SERPINB8: variants seen among roughly 807,000 people sequenced by gnomAD.
The protein encoded by SERPINB8 is serpin B8.
In SERPINB8, 25 loss-of-function variants were observed where a neutral mutation model predicts 35.3. The ratio of observed to expected loss-of-function variants is 0.71; its 90% CI spans 0.52 to 0.99. SERPINB8 has a LOEUF of 0.99. Among genes scored for constraint, SERPINB8 ranks in the 50% least tolerant of loss-of-function variants. The probability of loss-of-function intolerance (pLI) is 0.00; values close to 1 mark genes in which losing one functional copy is unlikely to be tolerated. For missense variants in SERPINB8, 484 were observed against 446.5 expected (o/e 1.08, Z -0.76); for synonymous variants, 186 against 160.8 (o/e 1.16, Z -1.19).
chr18:63,982,283 G>A (rs2050684448), intron 4 of SERPINB8, among the ~76,000 whole-genome samples: 1 of 152,098 alleles, frequency 6.6e-6, no homozygotes, highest in Admixed American at 6.5e-5. Context: ...CTTGGCCATG[G>A]CTACATTTGC....
In SERPINB8 at chr18:63,985,190, A is replaced by T; in HGVS notation, c.665A>T (p.Glu222Val). Residue 222 changes from glutamate (E) to valine (V), a missense_variant, in exon 6 of 7, where the codon GAA (glutamate) becomes GTA (valine). Physicochemically the swap from Glu to Val is moderately radical, Grantham distance 121. Coordinates refer to ENST00000397985, the MANE Select transcript of SERPINB8 (RefSeq NM_002640.4). Reference sequence around the variant, plus strand: ...CAGGTCCTGGAGCTGCCCTATGTGGAAGAGGAGCTGAGCATGGTCATTCTG... The same window carrying T: ...CAGGTCCTGGAGCTGCCCTATGTGGTAGAGGAGCTGAGCATGGTCATTCTG... ...HTQVLELPYV[E>V]EELSMVILLP... 6.2e-7 allele frequency: 1 copy of T among 1,614,208 alleles called. No homozygotes were observed. The highest frequency in any genetic ancestry group is 8.5e-7 in the Non-Finnish European group (1 of 1,180,040).
At chr18:63,979,495 C>T (rs544938322) in intron 2 of SERPINB8, among the ~76,000 whole-genome samples, 35 of 152,136 alleles carry the variant, frequency 2.3e-4, no homozygotes, top group African/African-American at 7.7e-4. Flanking sequence ...TTTTTCCTTC[C>T]TGGGGACCCT....
chr18:64,015,583 C>T (rs1369275958), intron 7 of SERPINB8, among the ~76,000 whole-genome samples: 1 of 152,218 alleles, frequency 6.6e-6, no homozygotes, highest in Non-Finnish European at 1.5e-5. Context: ...AGAAATCTAA[C>T]TTCACTCTGG....
At chr18:64,004,791 CA>C in intron 1 of SERPINB8, 1 of 398,486 alleles carries the variant, frequency 2.5e-6, no homozygotes, top group Non-Finnish European at 4.4e-6. Context: ...AAGAATGTAA[CA>C]AACTCTCATC....
chr18:64,017,021 A>C, intron 7 of SERPINB8, among the ~76,000 whole-genome samples: 1 of 152,162 alleles, frequency 6.6e-6, no homozygotes, highest in Non-Finnish European at 1.5e-5. Context: ...CTGTCTGTTC[A>C]CAGCTCCACA....
chr18:63,999,849 C>T (rs961276120), intron 1 of SERPINB8, among the ~76,000 whole-genome samples: 4 of 152,082 alleles, frequency 2.6e-5, no homozygotes, highest in African/African-American at 4.8e-5. Context: ...GAGGGCTTAC[C>T]GGGTGAGAAG....
At chr18:63,983,451 C>T (rs2050702901) in intron 4 of SERPINB8, 128 bp from the exon 5 acceptor site, 3 of 810,360 alleles carry the variant, frequency 3.7e-6, no homozygotes, top group Non-Finnish European at 4.0e-6. Context: ...CCTAATTCAT[C>T]AGGGGCCCAG....
chr18:64,007,024 G>T (rs1045827566), downstream of SERPINB8, among the ~76,000 whole-genome samples: 5 of 150,542 alleles, frequency 3.3e-5, no homozygotes, highest in Non-Finnish European at 5.9e-5. Flanking sequence ...TAATAGAGAG[G>T]ATCTAAAAAA....
In SERPINB8 at chr18:64,004,786, T is replaced by C. The variant is rs1008459206; in HGVS notation, c.71-33T>C. On this transcript the variant is annotated intron_variant, in intron 1 of 1. Transcript: ENST00000493661. Reference sequence around the variant, plus strand: ...TGTTTAGTGTCATTATCTCCAAGAATGTAACAAACTCTCATCTTGTGCCTC... The same window carrying C: ...TGTTTAGTGTCATTATCTCCAAGAACGTAACAAACTCTCATCTTGTGCCTC... 24 of 398,534 alleles carry C rather than the reference T, an allele frequency of 6.0e-5. No individual in the cohort carries two copies. The Admixed American group carries it at 7.9e-4, about 13-fold the overall frequency. The allele number at this position is 398,534 out of a possible 1,614,324, so 24.7% of individuals were successfully genotyped here.
chr18:63,995,990 G>T (rs1192115147), intron 1 of SERPINB8, among the ~76,000 whole-genome samples: 1 of 152,150 alleles, frequency 6.6e-6, no homozygotes, highest in African/African-American at 2.4e-5. Context: ...GGAAGCAGGT[G>T]GTTGCGTAGG....
rs1252954892 is a variant in SERPINB8, at chr18:63,981,824, C to T, written c.410C>T (p.Ala137Val). The T allele has an allele frequency of 1.2e-6, 2 of 1,608,096 alleles. No homozygotes were observed. Among genetic ancestry groups the T allele is most frequent in the Admixed American group, 1.7e-5 (1 of 59,758 alleles). ...AGGAAGCATATAAATGACTGGGTGG[C>T]AGAGAAGACTGAAGGTGAGACAGTT... Reference protein sequence around the residue: ...ECRKHINDWVAEKTEGKISEV... With the variant: ...ECRKHINDWVVEKTEGKISEV... Residue 137 changes from alanine to valine, a missense_variant, in exon 4 of 7, where the codon GCA becomes GTA. Coordinates refer to ENST00000397985, the MANE Select transcript of SERPINB8 (RefSeq NM_002640.4).
At chr18:63,984,534 C>T (rs969529333) in intron 5 of SERPINB8, among the ~76,000 whole-genome samples, 1 of 152,150 alleles carries the variant, frequency 6.6e-6, no homozygotes, top group African/African-American at 2.4e-5. Flanking sequence ...TGACATCCAT[C>T]AAATATGATA....
chr18:63,991,775 A>G (rs887193092), downstream of SERPINB8, among the ~76,000 whole-genome samples: 9 of 152,300 alleles, frequency 5.9e-5, no homozygotes, highest in African/African-American at 1.9e-4. Context: ...GGCTCCCATC[A>G]TTAAACGTGA....
At chr18:63,976,269 A>C (rs1277625404) in intron 1 of SERPINB8, among the ~76,000 whole-genome samples, 2 of 152,248 alleles carry the variant, frequency 1.3e-5, no homozygotes, top group African/African-American at 4.8e-5. Flanking sequence ...AATTGAGATG[A>C]GTTGGTGAAC....
intron 1 of SERPINB8, among the ~76,000 whole-genome samples, chr18:63,976,756 C>G (rs2050588131): frequency 1.3e-5 from 2 of 152,154 alleles, no homozygotes; most frequent in South Asian, 4.1e-4. Flanking sequence ...ATCCAAAAAT[C>G]AATGCATCTA....
downstream of SERPINB8, among the ~76,000 whole-genome samples, chr18:63,992,398 T>C (rs2050829163): frequency 6.6e-6 from 1 of 152,220 alleles, no homozygotes; most frequent in Admixed American, 6.5e-5. Flanking sequence ...TGTAAAGTTG[T>C]TTATAATAGT....
At chr18:64,009,039 A>G (rs1271345450), downstream of SERPINB8, among the ~76,000 whole-genome samples, 1 of 152,212 alleles carries the variant, frequency 6.6e-6, no homozygotes, top group Non-Finnish European at 1.5e-5. Context: ...TACAAGAGCA[A>G]TTTGCATTTT....
chr18:63,973,380 T>G (rs2050525045), intron 1 of SERPINB8, among the ~76,000 whole-genome samples: 1 of 152,236 alleles, frequency 6.6e-6, no homozygotes, highest in Non-Finnish European at 1.5e-5. Flanking sequence ...CTTTGTAGAT[T>G]CTGGATATTA....
At chr18:63,989,674 TG>T (rs2050810760), downstream of SERPINB8, among the ~76,000 whole-genome samples, 1 of 152,092 alleles carries the variant, frequency 6.6e-6, no homozygotes, top group Non-Finnish European at 1.5e-5. Flanking sequence ...CCGGGCGCGG[TG>T]GCTCACGCCT....
Sources: gnomAD v4.1 joint callset for allele counts (sites outside exome capture counted in the v4.1 genomes callset) on GRCh38, gnomAD v4.1.1 for gene constraint, MANE v1.5 for transcripts, NCBI Gene and HGNC (gene_info 2026-07-23, HGNC 2026-07-21) for gene names.